MAP3K13: variants seen among roughly 807,000 people sequenced by gnomAD.
The protein encoded by MAP3K13 is mitogen-activated protein kinase kinase kinase 13, also known as leucine zipper-bearing kinase.
Under a neutral mutation model 104.0 loss-of-function variants are expected in MAP3K13, and 52 were observed. That is an observed-to-expected ratio of 0.50 (90% confidence interval 0.40 to 0.63). MAP3K13 has a LOEUF of 0.63. Ranked by LOEUF, MAP3K13 falls within the 20% of genes least tolerant of loss-of-function variation. MAP3K13 has a pLI of 0.00. For synonymous variants in MAP3K13, 394 were observed against 442.2 expected (o/e 0.89, Z 1.37); for missense variants, 914 against 1,218.5 (o/e 0.75, Z 3.72).
chr3:185,401,599 A>G (rs1712820412), intron 1 of MAP3K13, among the ~76,000 whole-genome samples: 2 of 152,258 alleles, frequency 1.3e-5, no homozygotes, highest in African/African-American at 4.8e-5. Context: ...GTAAAGCGGC[A>G]GAGGCATTAA....
chr3:185,408,451 G>A (rs566082584), intron 1 of MAP3K13, among the ~76,000 whole-genome samples: 42 of 151,918 alleles, frequency 2.8e-4, no homozygotes, highest in Middle Eastern at 3.4e-3. Flanking sequence ...GCATGCCTGT[G>A]ATCCCAGCTA....
intron 1 of MAP3K13, among the ~76,000 whole-genome samples, chr3:185,376,581 T>A (rs1022630832): frequency 2.0e-5 from 3 of 151,796 alleles, no homozygotes; most frequent in African/African-American, 7.3e-5. Context: ...GGGAGCAGCT[T>A]TTAGGGCTGT....
chr3:185,437,699 T>G (rs554661970), intron 3 of MAP3K13, 69 bp downstream of exon 3: 8 of 1,421,182 alleles, frequency 5.6e-6, no homozygotes, highest in African/African-American at 2.9e-5. Flanking sequence ...CACACAAGTT[T>G]CTGCTTTGAG....
intron 7 of MAP3K13, among the ~76,000 whole-genome samples, chr3:185,456,643 C>A (rs1025241659): frequency 6.9e-6 from 1 of 144,774 alleles, no homozygotes; most frequent in Non-Finnish European, 1.5e-5. Flanking sequence ...TCTGTCTTAC[C>A]CAGGCTGGAG....
chr3:185,447,660 A>G (rs1258724926), intron 4 of MAP3K13, 129 bp from the exon 5 acceptor site: 2 of 680,092 alleles, frequency 2.9e-6, no homozygotes, highest in Non-Finnish European at 4.9e-6. Context: ...CCCCAGTGAC[A>G]TTGGAAACTG....
intron 2 of MAP3K13, among the ~76,000 whole-genome samples, chr3:185,323,969 C>G (rs976704721): frequency 1.3e-5 from 2 of 152,084 alleles, no homozygotes; most frequent in Admixed American, 1.3e-4. Context: ...ATTTTGATTT[C>G]TCTTATAATG....
In MAP3K13 at chr3:185,488,660, G is replaced by T. The variant is rs1718835551; in HGVS notation, c.*6204G>T. ...CCAGAGCCACTTCACAGCACTCAGG[G>T]ATCGCTGGCTCCCGGCCCTAGGCTG... On this transcript the variant is annotated 3_prime_UTR_variant, in exon 14 of 14. Transcript: ENST00000265026. 6.6e-6 allele frequency: 1 copy of T among 152,326 alleles called. No individual in the cohort carries two copies. The highest frequency in any genetic ancestry group is 2.4e-5 in the African/African-American group (1 of 41,468). The allele number at this position is 152,326 out of a possible 1,614,324, so 9.4% of individuals were successfully genotyped here.
intron 4 of MAP3K13, among the ~76,000 whole-genome samples, 191 bp from the exon 5 acceptor site, chr3:185,447,598 G>A (rs371694987): frequency 2.0e-5 from 3 of 149,582 alleles, no homozygotes; most frequent in Admixed American, 6.7e-5. Context: ...AGCCCATTAC[G>A]CTAAACTGCC....
intron 2 of MAP3K13, among the ~76,000 whole-genome samples, chr3:185,327,781 G>A (rs1224406800): frequency 2.0e-5 from 3 of 151,998 alleles, no homozygotes; most frequent in South Asian, 2.1e-4. Context: ...ACACGGTGGC[G>A]GGCGTCTGTA....
At chr3:185,349,211 C>G (rs1477961587) in intron 2 of MAP3K13, among the ~76,000 whole-genome samples, 2 of 151,528 alleles carry the variant, frequency 1.3e-5, no homozygotes, top group African/African-American at 4.9e-5. Flanking sequence ...GTTTGGGCTT[C>G]TATTGAACCC....
At chr3:185,464,782 G>A (rs1465825141) in intron 8 of MAP3K13, among the ~76,000 whole-genome samples, 2 of 152,214 alleles carry the variant, frequency 1.3e-5, no homozygotes, top group African/African-American at 4.8e-5. Context: ...ATTGGTCACA[G>A]TTCTGGAGCT....
chr3:185,419,151 G>A (rs559703401), intron 1 of MAP3K13, among the ~76,000 whole-genome samples: 1 of 152,028 alleles, frequency 6.6e-6, no homozygotes, highest in African/African-American at 2.4e-5. Flanking sequence ...TGAGTAGCTG[G>A]GACTACAGGT....
chr3:185,350,578 T>A (rs1723104002), intron 2 of MAP3K13, among the ~76,000 whole-genome samples: 1 of 152,216 alleles, frequency 6.6e-6, no homozygotes, highest in South Asian at 2.1e-4. Flanking sequence ...TGTTCATCCT[T>A]GTTTTAATCA....
At chr3:185,317,272 A>G (rs1334235312) in intron 2 of MAP3K13, among the ~76,000 whole-genome samples, 1 of 152,186 alleles carries the variant, frequency 6.6e-6, no homozygotes, top group Admixed American at 6.5e-5. Flanking sequence ...GAGAAGTGCC[A>G]AGGGTGAAAC....
intron 2 of MAP3K13, among the ~76,000 whole-genome samples, chr3:185,293,524 A>G (rs2108674762): frequency 6.6e-6 from 1 of 152,156 alleles, no homozygotes; most frequent in East Asian, 1.9e-4. Context: ...ACCAGGCTCA[A>G]GTGGTCCTCT....
chr3:185,446,557 T>TATTC (rs755031823), intron 4 of MAP3K13, among the ~76,000 whole-genome samples: 16 of 152,380 alleles, frequency 1.1e-4, no homozygotes, highest in Non-Finnish European at 2.1e-4. Context: ...TACCGGATTG[T>TATTC]ATTCATCTTC....
At chr3:185,461,203 G>T (rs1297711524) in intron 7 of MAP3K13, among the ~76,000 whole-genome samples, 12 of 152,160 alleles carry the variant, frequency 7.9e-5, no homozygotes, top group Non-Finnish European at 7.3e-5. Flanking sequence ...AGTGTATTCT[G>T]ATGAGATTGG....
chr3:185,365,753 A>T (rs1212665809), intron 1 of MAP3K13, among the ~76,000 whole-genome samples: 1 of 151,922 alleles, frequency 6.6e-6, no homozygotes, highest in Non-Finnish European at 1.5e-5. Context: ...TGCAGTCTTT[A>T]CTCTGAAGGA....
At chr3:185,407,292 A>G (rs1713167095) in intron 1 of MAP3K13, among the ~76,000 whole-genome samples, 1 of 152,146 alleles carries the variant, frequency 6.6e-6, no homozygotes, top group Non-Finnish European at 1.5e-5. Flanking sequence ...GATTCTAAAG[A>G]TATGTAATCG....
Sources: gnomAD v4.1 joint callset for allele counts (sites outside exome capture counted in the v4.1 genomes callset) on GRCh38, gnomAD v4.1.1 for gene constraint, MANE v1.5 for transcripts, NCBI Gene and HGNC (gene_info 2026-07-23, HGNC 2026-07-21) for gene names.